ASCC3: variants seen among roughly 807,000 people sequenced by gnomAD.
ASCC3 encodes activating signal cointegrator 1 complex subunit 3, also known as ASC-1 complex subunit P200.
In ASCC3, 158 loss-of-function variants were observed where a neutral mutation model predicts 256.3. The ratio of observed to expected loss-of-function variants is 0.62; its 90% confidence interval spans 0.54 to 0.70. The LOEUF (loss-of-function observed/expected upper bound fraction) is 0.70. Among genes scored for constraint, ASCC3 ranks in the 30% least tolerant of loss-of-function variants. The pLI, the probability that ASCC3 is intolerant of heterozygous loss-of-function variation, is 0.00. For missense variants in ASCC3, 2,259 were observed against 2,626.0 expected (o/e 0.86, Z 3.05); for synonymous variants, 948 against 883.4 (o/e 1.07, Z -1.30).
intron 1 of ASCC3, among the ~76,000 whole-genome samples, chr6:100,868,790 G>A (rs1410540657): frequency 3.9e-5 from 6 of 152,150 alleles, no homozygotes; most frequent in Non-Finnish European, 5.9e-5. Context: ...GTAACAGACT[G>A]GACAACAGGC....
At chr6:100,773,773 T>C (rs1224792821) in intron 8 of ASCC3, among the ~76,000 whole-genome samples, 1 of 152,180 alleles carries the variant, frequency 6.6e-6, no homozygotes, top group Non-Finnish European at 1.5e-5. Context: ...TGAATGATTT[T>C]ATGCTGGCTA....
intron 11 of ASCC3, among the ~76,000 whole-genome samples, chr6:100,718,529 G>A (rs1321239872): frequency 6.6e-6 from 1 of 151,954 alleles, no homozygotes; most frequent in East Asian, 1.9e-4. Context: ...GAGGCAAGGT[G>A]GGCGGCTTGC....
Position 100,869,187 on chromosome 6 carries a change from G to A in ASCC3, c.-41-1149C>T, listed in dbSNP as rs77776439. 0.013 allele frequency among the ~76,000 whole-genome samples: 1,921 copies of A among 152,258 alleles called. 95 individuals are homozygous for A. In the East Asian group the frequency reaches 0.14, roughly 11 times the overall value. On this transcript the variant is annotated intron_variant, in intron 1 of 41. Coordinates refer to ENST00000369162, the MANE Select transcript of ASCC3 (RefSeq NM_006828.4). ...GGGGACTACTGATTTCTACTGGATA[G>A]AGGCCAATGATGCTACTAAACATAA...
rs75390126 is a variant in ASCC3 at position 100,753,508 on chromosome 6, T to A, written c.1737+13057A>T. Among the ~76,000 whole-genome samples, 284 of 140,208 alleles carry A rather than the reference T, an allele frequency of 2.0e-3. 2 individuals are homozygous for A. The Middle Eastern group carries it at 0.03, about 15-fold the overall frequency. The allele number at this position is 140,208 out of a possible 152,430, so 92.0% of individuals were successfully genotyped here. A position where few individuals can be genotyped will look rare whatever the true frequency, so the allele number is the denominator to read the frequency against. ...ATCAAACAGGTGCCCTTTTTTTTTT[T>A]AAAAAAAAAAACAGTCTTGCTATTA... On this transcript the variant is annotated intron_variant, in intron 10 of 41. Transcript: ENST00000369162.
chr6:100,767,368 A>G (rs7746961), intron 8 of ASCC3, 23 bp from the exon 9 acceptor site: 839,927 of 1,605,558 alleles, frequency 0.52, 223,853 homozygotes, highest in South Asian at 0.73. Context: ...GGCATCACCC[A>G]TTATAAATAG....
At chr6:100,863,942 A>G in intron 3 of ASCC3, 122 bp downstream of exon 3, 1 of 944,942 alleles carries the variant, frequency 1.1e-6, no homozygotes, top group African/African-American at 1.7e-5. Context: ...TTTCATAATT[A>G]TGAATACTTA....
At chr6:100,539,675 G>A (rs1237658480) in intron 37 of ASCC3, among the ~76,000 whole-genome samples, 2 of 151,940 alleles carry the variant, frequency 1.3e-5, no homozygotes, top group African/African-American at 4.8e-5. Context: ...TTAGTTAAAT[G>A]TTACCTTACC....
At chr6:100,747,821 T>C (rs943699585) in intron 10 of ASCC3, among the ~76,000 whole-genome samples, 9 of 152,030 alleles carry the variant, frequency 5.9e-5, no homozygotes, top group Admixed American at 5.9e-4. Context: ...TTTTAAAATG[T>C]ATATTTTGTG....
At chr6:100,599,678 T>A (rs894808976) in intron 34 of ASCC3, among the ~76,000 whole-genome samples, 23 of 151,458 alleles carry the variant, frequency 1.5e-4, no homozygotes, top group Non-Finnish European at 3.2e-4. Flanking sequence ...TAAAAAAAAA[T>A]TTAAAAAGGA....
intron 14 of ASCC3, among the ~76,000 whole-genome samples, chr6:100,669,824 A>G (rs1248532630): frequency 2.0e-5 from 3 of 151,948 alleles, no homozygotes; most frequent in African/African-American, 7.2e-5. Context: ...CAGAAAAAAC[A>G]GTATTTAGAA....
intron 4 of ASCC3, among the ~76,000 whole-genome samples, chr6:100,816,761 G>C (rs1203657205): frequency 2.0e-5 from 3 of 152,066 alleles, no homozygotes; most frequent in Non-Finnish European, 4.4e-5. Context: ...TGAGGGTAGA[G>C]GGTGGGAGGA....
At chr6:100,628,697 C>T (rs985364561) in intron 27 of ASCC3, among the ~76,000 whole-genome samples, 1 of 152,118 alleles carries the variant, frequency 6.6e-6, no homozygotes, top group Non-Finnish European at 1.5e-5. Flanking sequence ...ACTACATTTA[C>T]TGTACAAGCT....
intron 16 of ASCC3, 92 bp downstream of exon 16, chr6:100,661,714 A>G: frequency 7.7e-7 from 1 of 1,306,660 alleles, no homozygotes; most frequent in Admixed American, 1.7e-5. Flanking sequence ...AATCCTAAAC[A>G]CTACAAAACA....
At chr6:100,740,350 G>A (rs954964063) in intron 10 of ASCC3, among the ~76,000 whole-genome samples, 1 of 152,088 alleles carries the variant, frequency 6.6e-6, no homozygotes, top group Non-Finnish European at 1.5e-5. Flanking sequence ...TTTTACTTCC[G>A]ATTATGTGAT....
At chr6:100,582,985 G>T (rs1269898331) in intron 36 of ASCC3, among the ~76,000 whole-genome samples, 4 of 152,188 alleles carry the variant, frequency 2.6e-5, no homozygotes, top group Middle Eastern at 3.4e-3. Flanking sequence ...TGGATTCAGT[G>T]TGCCAGTATT....
chr6:100,721,579 G>A (rs1318482344), intron 11 of ASCC3, among the ~76,000 whole-genome samples: 3 of 151,456 alleles, frequency 2.0e-5, no homozygotes, highest in African/African-American at 7.3e-5. Flanking sequence ...ACAACTACCT[G>A]GATTTTAAAA....
chr6:100,871,170 A>G (rs1773722444), intron 1 of ASCC3, among the ~76,000 whole-genome samples: 1 of 151,092 alleles, frequency 6.6e-6, no homozygotes, highest in South Asian at 2.1e-4. Flanking sequence ...ATCTCGGCTC[A>G]CTGCAACCTC....
intron 10 of ASCC3, among the ~76,000 whole-genome samples, chr6:100,750,047 T>C (rs141013620): frequency 2.6e-5 from 4 of 152,014 alleles, no homozygotes; most frequent in East Asian, 1.9e-4. Flanking sequence ...TATTGCAGTG[T>C]TTGTGAGACA....
chr6:100,523,528 C>G (rs867319043), intron 37 of ASCC3, among the ~76,000 whole-genome samples: 53 of 152,240 alleles, frequency 3.5e-4, no homozygotes, highest in African/African-American at 1.2e-3. Context: ...TTCCGCTGGT[C>G]TCCTCTAGAG....
Sources: gnomAD v4.1 joint callset for allele counts (sites outside exome capture counted in the v4.1 genomes callset) on GRCh38, gnomAD v4.1.1 for gene constraint, MANE v1.5 for transcripts, NCBI Gene and HGNC (gene_info 2026-07-23, HGNC 2026-07-21) for gene names.